IQSEC1: variants seen among roughly 807,000 people sequenced by gnomAD.
IQSEC1 encodes IQ motif and SEC7 domain-containing protein 1.
IQSEC1 carries 31 observed loss-of-function variants against 91.0 expected under a neutral mutation model. That is an observed-to-expected ratio of 0.34 (90% CI 0.26 to 0.46). The LOEUF (loss-of-function observed/expected upper bound fraction) is 0.46. IQSEC1 is among the 20% of genes least tolerant of loss of function. IQSEC1 has a pLI of 1.00. For synonymous variants in IQSEC1, 699 were observed against 662.6 expected (o/e 1.05, Z -0.84); for missense variants, 1,388 against 1,575.6 (o/e 0.88, Z 2.02).
In IQSEC1 at chr3:13,070,092, G is replaced by T. The variant is rs560752380; in HGVS notation, c.23+2900C>A. 1.4e-3 allele frequency among the ~76,000 whole-genome samples: 220 copies of T among 151,978 alleles called. 3 individuals carry two copies. Among genetic ancestry groups the T allele is most frequent in the South Asian group, 6.0e-3 (29 of 4,796 alleles). ...AAATGGAGGCTAGGGAGTGAGGACA[G>T]TGGGGTGGGGGTGGGGGCCCGCCGG... is the stretch of plus-strand genomic sequence containing the variant. On this transcript the variant is annotated intron_variant, in intron 1 of 13. Transcript: ENST00000613206.
intron 2 of IQSEC1, among the ~76,000 whole-genome samples, chr3:13,118,086 A>G (rs1576258195): frequency 6.6e-6 from 1 of 152,160 alleles, no homozygotes; most frequent in Non-Finnish European, 1.5e-5. Context: ...TATAGTTTCA[A>G]ATAGCGAGAA....
intron 2 of IQSEC1, among the ~76,000 whole-genome samples, chr3:13,106,637 G>A (rs569185795): frequency 2.0e-5 from 3 of 152,324 alleles, no homozygotes; most frequent in Admixed American, 1.3e-4. Context: ...CACAGAACAA[G>A]GCTGATCCAC....
At chr3:12,927,435 C>T (rs534126093) in intron 3 of IQSEC1, among the ~76,000 whole-genome samples, 7 of 135,960 alleles carry the variant, frequency 5.1e-5, no homozygotes, top group African/African-American at 2.1e-4. Context: ...CTGTCTGGTC[C>T]CTTCCCCACA....
chr3:12,949,732 G>C (rs182751325), intron 1 of IQSEC1, among the ~76,000 whole-genome samples: 1 of 152,172 alleles, frequency 6.6e-6, no homozygotes, highest in Admixed American at 6.5e-5. Flanking sequence ...CCCCCGTCTC[G>C]GGGAGGGATG....
At chr3:12,993,511 G>C (rs958712804) in intron 1 of IQSEC1, among the ~76,000 whole-genome samples, 5 of 152,172 alleles carry the variant, frequency 3.3e-5, no homozygotes, top group South Asian at 2.1e-4. Context: ...GCGGAGTCGG[G>C]GGGTGGGGAA....
intron 1 of IQSEC1, among the ~76,000 whole-genome samples, chr3:13,032,490 G>T (rs539752827): frequency 6.6e-6 from 1 of 152,334 alleles, no homozygotes; most frequent in African/African-American, 2.4e-5. Context: ...AGCCAGGTTG[G>T]ATCCTGACAC....
chr3:13,013,995 G>A (rs11715824), intron 1 of IQSEC1, among the ~76,000 whole-genome samples: 9,310 of 152,250 alleles, frequency 0.061, 327 homozygotes, highest in Non-Finnish European at 0.075. Context: ...GGGCTGGACC[G>A]AAATGGGCCT....
chr3:13,114,655 T>C (rs1005346449), intron 2 of IQSEC1, among the ~76,000 whole-genome samples: 2 of 151,770 alleles, frequency 1.3e-5, no homozygotes, highest in Non-Finnish European at 2.9e-5. Flanking sequence ...TAGCCTGGCA[T>C]GGTGGTGGGT....
intron 1 of IQSEC1, among the ~76,000 whole-genome samples, chr3:12,959,320 G>A (rs1700103268): frequency 6.6e-6 from 1 of 152,182 alleles, no homozygotes. Context: ...GGGCAACAGG[G>A]AGACCCTGCG....
At chr3:13,054,562 G>A (rs1216927121) in intron 1 of IQSEC1, among the ~76,000 whole-genome samples, 1 of 152,222 alleles carries the variant, frequency 6.6e-6, no homozygotes, top group Admixed American at 6.5e-5. Flanking sequence ...ACCCCGTCAC[G>A]TTGCCAGCAA....
chr3:13,033,445 C>G (rs1021444010), intron 1 of IQSEC1, among the ~76,000 whole-genome samples: 2 of 152,096 alleles, frequency 1.3e-5, no homozygotes, highest in Non-Finnish European at 2.9e-5. Flanking sequence ...GCTGTGTTCT[C>G]CCTGTGTCTT....
intron 1 of IQSEC1, among the ~76,000 whole-genome samples, chr3:13,178,470 A>T (rs1455429254): frequency 6.6e-6 from 1 of 152,248 alleles, no homozygotes; most frequent in Non-Finnish European, 1.5e-5. Context: ...TATGAACCAC[A>T]GAAAGTTATT....
chr3:12,936,363 A>G lies in IQSEC1; in HGVS notation c.653T>C (p.Phe218Ser). Residue 218 changes from phenylalanine to serine, a missense_variant, in exon 3 of 14, where the codon TTT becomes TCT. This residue lies in a region of IQSEC1 where 1,059 missense variants were observed against 1,317.8 expected (regional missense o/e 0.80). Transcript: ENST00000613206. ...CTCCAGCTCGGTGATGGCGTCCGCA[A>G]AGTCACTGGAGGGGGCCGGAGACTT... The part of the protein sequence containing the change: ...TLKSPAPSSD[F>S]ADAITELEDA... 1.2e-6 allele frequency: 2 copies of G among 1,602,556 alleles called. No homozygotes were observed. Among genetic ancestry groups the G allele is most frequent in the African/African-American group, 1.3e-5 (1 of 74,804 alleles).
chr3:12,972,014 A>AAAAC (rs56174337), intron 1 of IQSEC1, among the ~76,000 whole-genome samples: 76,528 of 148,368 alleles, frequency 0.52, 20,527 homozygotes, highest in East Asian at 0.83. Flanking sequence ...ACTCCATCTC[A>AAAAC]AAACAAACAA....
upstream of IQSEC1, among the ~76,000 whole-genome samples, chr3:13,075,325 C>G (rs1476430756): frequency 6.6e-6 from 1 of 152,236 alleles, no homozygotes; most frequent in Admixed American, 6.5e-5. Flanking sequence ...ATGGGTTGCA[C>G]CACATACGGG....
chr3:12,983,158 G>T lies in IQSEC1; in HGVS notation c.24-41293C>A, dbSNP rs1324381213. ...GGACTTTATGGCCAGCATTCCGCTG[G>T]CCCCAGCTGCATAATCCAGATCTGA... On this transcript the variant is annotated intron_variant, in intron 1 of 13. Coordinates refer to ENST00000613206, the MANE Select transcript of IQSEC1 (RefSeq NM_001134382.3). This position sits in a 1 kb window ranked among gnomAD's most constrained non-coding sequence, Gnocchi z 4.3. 6.6e-6 allele frequency among the ~76,000 whole-genome samples: 1 copy of T among 152,190 alleles called. No homozygotes were observed. Among genetic ancestry groups the T allele is most frequent in the Non-Finnish European group, 1.5e-5 (1 of 68,026 alleles).
At chr3:13,075,727 T>C (rs796943324), upstream of IQSEC1, among the ~76,000 whole-genome samples, 30 of 152,352 alleles carry the variant, frequency 2.0e-4, 1 homozygote, top group African/African-American at 5.5e-4. Flanking sequence ...ACAGGGCACG[T>C]GGGTAGTGCC....
chr3:13,105,918 C>G (rs1706144314), intron 2 of IQSEC1, among the ~76,000 whole-genome samples: 1 of 152,204 alleles, frequency 6.6e-6, no homozygotes, highest in Non-Finnish European at 1.5e-5. Context: ...ATGTTATCAC[C>G]TACTAGCACT....
chr3:13,164,738 C>G (rs1693450977), intron 1 of IQSEC1, among the ~76,000 whole-genome samples: 2 of 152,216 alleles, frequency 1.3e-5, no homozygotes, highest in African/African-American at 2.4e-5. Flanking sequence ...GACAGTGATG[C>G]CTTCCTGCTC....
Sources: allele counts gnomAD v4.1 joint callset (sites outside exome capture counted in the v4.1 genomes callset), GRCh38; gene constraint gnomAD v4.1.1; regional missense constraint gnomAD v4.1.1; non-coding constraint Gnocchi (gnomAD v3.1); transcripts MANE v1.5; gene names NCBI Gene and HGNC (gene_info 2026-07-23, HGNC 2026-07-21).